The following SPTBN5 variants were observed in gnomAD, a reference collection of about 807,000 sequenced individuals.
SPTBN5 encodes the protein spectrin beta, non-erythrocytic 5.
In SPTBN5, 513 loss-of-function variants were observed where a neutral mutation model predicts 477.6. That is an observed-to-expected ratio of 1.07 (90% CI 1.00 to 1.16). SPTBN5 has a LOEUF of 1.16. SPTBN5 is among the 50% of genes most tolerant of loss of function. The pLI is 0.00. For synonymous variants in SPTBN5, 2,169 were observed against 2,011.7 expected, an observed-to-expected ratio of 1.08 and a Z score of -2.09; for missense variants, 5,062 against 4,731.8, an observed-to-expected ratio of 1.07 and a Z score of -2.05.
chr15:41,858,554 T>C (rs931910374), intron 49 of SPTBN5, 48 bp downstream of exon 49: 3 of 1,586,268 alleles, frequency 1.9e-6, no homozygotes, highest in Non-Finnish European at 2.6e-6. Flanking sequence ...CTGTCCTGTG[T>C]TCTGCCTGGA....
At chr15:41,873,402 C>T (rs1332128617) in intron 26 of SPTBN5, 90 bp downstream of exon 26, 6 of 986,550 alleles carry the variant, frequency 6.1e-6, no homozygotes, top group African/African-American at 3.2e-5. Context: ...AGCAGGGCTC[C>T]GTGCCTCTGA....
In SPTBN5 at chr15:41,878,617, T is replaced by C; in HGVS notation, c.3195A>G (p.Pro1065=). ...GCAGAGGCTGGCTCTCTGCGTAGCC[T>C]GGCTCCTCGACCCTGGGAGACAGGG... ...LQSVVVKVEE[P]GYAESQPLQG... is the part of the protein sequence containing the mutation. Residue 1065 remains proline, a synonymous_variant, in exon 17 of 68, where the codon CCA becomes CCG. Transcript: ENST00000320955. 6.2e-7 allele frequency: 1 copy of C among 1,610,868 alleles called. No homozygotes were observed. Among genetic ancestry groups the C allele is most frequent in the Middle Eastern group, 1.7e-4 (1 of 6,054 alleles).
At chr15:41,875,728 G>T (rs774360818) in intron 21 of SPTBN5, 106 bp from the exon 22 acceptor site, 60 of 1,187,060 alleles carry the variant, frequency 5.1e-5, no homozygotes, top group Non-Finnish European at 6.7e-5. Context: ...GGTGACCACA[G>T]CTGCACTCCA....
intron 41 of SPTBN5, among the ~76,000 whole-genome samples, 151 bp from the exon 42 acceptor site, chr15:41,863,054 T>C (rs1339764935): frequency 2.6e-5 from 4 of 152,206 alleles, no homozygotes; most frequent in African/African-American, 7.2e-5. Context: ...CTCTTCCTTA[T>C]GTGAGGGGGA....
chr15:41,854,308 GATCA>G, intron 56 of SPTBN5, 103 bp from the exon 57 acceptor site: 1 of 1,337,318 alleles, frequency 7.5e-7, no homozygotes, highest in Non-Finnish European at 1.0e-6. Context: ...GAACAAGGAG[GATCA>G]TGGGGCTTGA....
chr15:41,849,176 C>CT, intron 67 of SPTBN5, among the ~76,000 whole-genome samples: 1 of 152,352 alleles, frequency 6.6e-6, no homozygotes, highest in Admixed American at 6.5e-5. Flanking sequence ...CAGGTGTCCC[C>CT]TCCCCCTGGA....
chr15:41,881,854 G>C (rs960648268), intron 12 of SPTBN5, 82 bp downstream of exon 12: 2 of 1,335,294 alleles, frequency 1.5e-6, no homozygotes, highest in East Asian at 5.7e-5. Flanking sequence ...GGCCACAAAG[G>C]CCCTCCCATT....
intron 42 of SPTBN5, 57 bp from the exon 43 acceptor site, chr15:41,862,717 C>T: frequency 6.5e-7 from 1 of 1,540,550 alleles, no homozygotes; most frequent in Non-Finnish European, 8.7e-7. Context: ...CCACCCAAGC[C>T]CCTCCTCCCC....
rs748387353 is a variant in SPTBN5 at position 41,848,591 on chromosome 15, G to GT, written c.*24dup. 1.2e-6 allele frequency: 2 copies of GT among 1,613,874 alleles called. No homozygotes were observed. The highest frequency in any genetic ancestry group is 1.7e-6 in the Non-Finnish European group (2 of 1,179,784). ...ATGTGTCCTCGCTTGTGCCCCTGAA[G>GT]TTTGGTGTTGCACTGGGGTTCACCT... On this transcript the variant is annotated 3_prime_UTR_variant, in exon 68 of 68. Coordinates refer to ENST00000320955, the MANE Select transcript of SPTBN5 (RefSeq NM_016642.4).
At chr15:41,874,235 T>C in intron 24 of SPTBN5, 57 bp downstream of exon 24, 1 of 1,561,072 alleles carries the variant, frequency 6.4e-7, no homozygotes, top group African/African-American at 1.4e-5. Flanking sequence ...GGGCAGAGGG[T>C]TTCTAAGGTC....
intron 6 of SPTBN5, 25 bp from the exon 7 acceptor site, chr15:41,886,391 C>A (rs1216017418): frequency 4.5e-6 from 7 of 1,557,294 alleles, no homozygotes; most frequent in Non-Finnish European, 6.1e-6. Context: ...AGGAAGGGGT[C>A]AGGGTCCTTC....
intron 6 of SPTBN5, 118 bp from the exon 7 acceptor site, chr15:41,886,484 C>G (rs1158174356): frequency 8.3e-7 from 1 of 1,198,508 alleles, no homozygotes; most frequent in African/African-American, 1.5e-5. Flanking sequence ...GCCAAAGATG[C>G]TTTGAAGTGG....
Position 41,852,329 on chromosome 15 carries a change from G to C in SPTBN5, c.10450-13C>G. ...GCTCCTGTTCCATCTTGGGGAGTGG[G>C]CAAGGTGGGCAAGGTGAGCCAGGTC... On this transcript the variant is annotated splice_polypyrimidine_tract_variant and intron_variant, in intron 61 of 67. Coordinates refer to ENST00000320955, the MANE Select transcript of SPTBN5 (RefSeq NM_016642.4). 1 of 1,548,874 alleles carries C rather than the reference G, an allele frequency of 6.5e-7. No individual in the cohort carries two copies. The highest frequency in any genetic ancestry group is 8.8e-7 in the Non-Finnish European group (1 of 1,142,730).
In SPTBN5 at chr15:41,890,103, T is replaced by C. The variant is rs528038832; in HGVS notation, c.487A>G (p.Ile163Val). 2 of 1,610,664 alleles carry C rather than the reference T, an allele frequency of 1.2e-6. No individual in the cohort carries two copies. Among genetic ancestry groups the C allele is most frequent in the Admixed American group, 3.3e-5 (2 of 59,774 alleles). The change falls in exon 4 of 68, where the codon ATC becomes GTC. Residue 163 changes from isoleucine (I) to valine (V), a missense_variant. Transcript: ENST00000320955. ...VIILRFQISH[I>V]SLDKEEFGAS... Reference sequence around the variant, plus strand: ...CTGAGCCATACCTTGTCCAAGGAGATGTGGGAGATCTGGAAACGCAGAATG... The same window carrying C: ...CTGAGCCATACCTTGTCCAAGGAGACGTGGGAGATCTGGAAACGCAGAATG...
At chr15:41,886,725 G>A (rs577668227) in intron 6 of SPTBN5, among the ~76,000 whole-genome samples, 1 of 152,238 alleles carries the variant, frequency 6.6e-6, no homozygotes, top group South Asian at 2.1e-4. Flanking sequence ...CCCTTGGCCT[G>A]TGTCACCCCC....
At position 41,866,379 on chromosome 15, in the gene SPTBN5, G is replaced by A. The variant is rs866982541; in HGVS notation, c.6595C>T (p.Gln2199Ter). The part of the protein sequence containing the change: ...LKHQAFEAEV[Q>*]AHEEVMTSVA... ...GAGGTCATGACCTCCTCATGGGCCT[G>A]GACTTCAGCCTCAAAGGCCTGGTGT... The change falls in exon 37 of 68, where the codon CAG becomes TAG. Residue 2199 changes from glutamine to a stop codon, truncating the protein, a stop_gained. Coordinates refer to ENST00000320955, the MANE Select transcript of SPTBN5 (RefSeq NM_016642.4). LOFTEE classifies it high-confidence loss of function. 6.2e-7 allele frequency: 1 copy of A among 1,611,152 alleles called. No homozygotes were observed. Among genetic ancestry groups the A allele is most frequent in the Non-Finnish European group, 8.5e-7 (1 of 1,178,508 alleles).
Position 41,856,987 on chromosome 15 carries a change from G to T in SPTBN5, c.8674C>A (p.Arg2892=). Reference sequence around the variant, plus strand: ...CTGAAGAACTTCAAGAGGAGGCTCCGGGCCTCCAGGGCCGTCCTGCGCTCC... The same window carrying T: ...CTGAAGAACTTCAAGAGGAGGCTCCTGGCCTCCAGGGCCGTCCTGCGCTCC... ...LQERRTALEA[R]SLLLKFFRDA... Residue 2892 remains arginine (R), a synonymous_variant, in exon 52 of 68, where the codon CGG becomes AGG. Transcript: ENST00000320955. 1.2e-6 allele frequency: 2 copies of T among 1,602,870 alleles called. No homozygotes were observed. Among genetic ancestry groups the T allele is most frequent in the Non-Finnish European group, 1.7e-6 (2 of 1,175,564 alleles).
chr15:41,880,277 C>A lies in SPTBN5; in HGVS notation c.2694G>T (p.Leu898=). The A allele has an allele frequency of 6.2e-7, 1 of 1,607,290 alleles. No homozygotes were observed. Among genetic ancestry groups the A allele is most frequent in the South Asian group, 1.1e-5 (1 of 89,510 alleles). Reference sequence around the variant, plus strand: ...CCCCACAGGAACTGCAGAAACCGAACAGGGCCATGGCCTCCTCCAACCGGG... The same window carrying A: ...CCCCACAGGAACTGCAGAAACCGAAAAGGGCCATGGCCTCCTCCAACCGGG... The part of the protein sequence containing the change: ...RRARLEEAMA[L]FGFCSSCGEL... Residue 898 remains leucine (L), a synonymous_variant, in exon 14 of 68, where the codon CTG becomes CTT. Transcript: ENST00000320955.
rs370330323 is a variant in SPTBN5 at position 41,854,107 on chromosome 15, G to A, written c.9717C>T (p.Asp3239=). ...QEKTALMKGE[D]GGHSLSSVRT... ...GCACAGATGACAGGCTGTGGCCTCCGTCCTCCCCCTTCATCAGGGCCGTCT... is the reference window on the plus strand; with the variant it reads ...GCACAGATGACAGGCTGTGGCCTCCATCCTCCCCCTTCATCAGGGCCGTCT... The change falls in exon 57 of 68, where the codon GAC becomes GAT. Residue 3239 remains aspartate, a synonymous_variant. Coordinates refer to ENST00000320955, the MANE Select transcript of SPTBN5 (RefSeq NM_016642.4). The A allele has an allele frequency of 2.0e-5, 31 of 1,585,920 alleles. No individual in the cohort carries two copies. Among genetic ancestry groups the A allele is most frequent in the African/African-American group, 6.7e-5 (5 of 74,396 alleles).
Sources: gnomAD v4.1 joint callset for allele counts (sites outside exome capture counted in the v4.1 genomes callset) on GRCh38, gnomAD v4.1.1 for gene constraint, MANE v1.5 for transcripts, NCBI Gene and HGNC (gene_info 2026-07-23, HGNC 2026-07-21) for gene names.